The following ACOXL variants were observed in gnomAD, a reference collection of about 807,000 sequenced individuals.
The protein encoded by ACOXL is acyl-CoA oxidase like.
ACOXL carries 70 observed loss-of-function variants against 71.9 expected under a neutral mutation model. The ratio of observed to expected loss-of-function variants is 0.97; its 90% CI spans 0.80 to 1.19. The LOEUF (loss-of-function observed/expected upper bound fraction) is 1.19. Among genes scored for constraint, ACOXL ranks in the 50% most tolerant of loss-of-function variants. The probability of loss-of-function intolerance (pLI) is 0.00; values close to 1 mark genes in which losing one functional copy is unlikely to be tolerated. For synonymous variants in ACOXL, 253 were observed against 281.6 expected, an observed-to-expected ratio of 0.90 and a Z score of 1.02; for missense variants, 703 against 736.3, an observed-to-expected ratio of 0.95 and a Z score of 0.52.
At chr2:110,946,035 T>G (rs775979526) in intron 12 of ACOXL, among the ~76,000 whole-genome samples, 3 of 152,236 alleles carry the variant, frequency 2.0e-5, no homozygotes, top group Admixed American at 6.5e-5. Context: ...AGCAGCGTTT[T>G]GTAATTCTTA....
At chr2:110,927,859 C>T (rs982984667) in intron 11 of ACOXL, among the ~76,000 whole-genome samples, 5 of 152,106 alleles carry the variant, frequency 3.3e-5, no homozygotes, top group Non-Finnish European at 5.9e-5. Flanking sequence ...ATCTTTGAAA[C>T]GTACATTTCT....
intron 17 of ACOXL, among the ~76,000 whole-genome samples, chr2:111,112,466 T>G (rs2070051783): frequency 6.6e-6 from 1 of 152,212 alleles, no homozygotes; most frequent in Non-Finnish European, 1.5e-5. Flanking sequence ...ATTGACTGCT[T>G]AGTCAGGCAT....
intron 13 of ACOXL, among the ~76,000 whole-genome samples, chr2:110,988,370 G>A (rs2063024968): frequency 6.6e-6 from 1 of 152,134 alleles, no homozygotes; most frequent in African/African-American, 2.4e-5. Context: ...GAGCTGGGAG[G>A]CAGAGGTTGC....
chr2:110,741,929 G>A (rs1677597005), intron 1 of ACOXL, among the ~76,000 whole-genome samples: 3 of 152,182 alleles, frequency 2.0e-5, no homozygotes, highest in East Asian at 1.9e-4. Flanking sequence ...GGAGAGAGGC[G>A]GAGAGGTGAT....
intron 12 of ACOXL, among the ~76,000 whole-genome samples, chr2:110,986,679 G>A (rs562966295): frequency 6.6e-6 from 1 of 152,302 alleles, no homozygotes; most frequent in Non-Finnish European, 1.5e-5. Context: ...AGAGATTGAA[G>A]TAGAGGATAG....
intron 14 of ACOXL, among the ~76,000 whole-genome samples, chr2:111,024,365 TAAG>T (rs2064918043): frequency 6.6e-6 from 1 of 152,152 alleles, no homozygotes; most frequent in South Asian, 2.1e-4. Context: ...GCTGTCTTTA[TAAG>T]AAGAGCAGAG....
At chr2:110,800,130 C>T (rs571663891) in intron 7 of ACOXL, among the ~76,000 whole-genome samples, 2 of 152,212 alleles carry the variant, frequency 1.3e-5, no homozygotes, top group Non-Finnish European at 2.9e-5. Context: ...TTCTTTCACT[C>T]TTCACAATAA....
At chr2:111,017,127 T>A (rs2064484657) in intron 14 of ACOXL, among the ~76,000 whole-genome samples, 3 of 152,206 alleles carry the variant, frequency 2.0e-5, no homozygotes, top group South Asian at 4.1e-4. Context: ...CACTACAGTT[T>A]CTTGAAGTTC....
chr2:110,977,140 A>G (rs1041483984), intron 12 of ACOXL, among the ~76,000 whole-genome samples: 4 of 152,188 alleles, frequency 2.6e-5, no homozygotes, highest in Non-Finnish European at 5.9e-5. Context: ...TAATCCCAGC[A>G]CTTTGGGAGG....
At chr2:111,004,405 C>T (rs1057306808) in intron 14 of ACOXL, among the ~76,000 whole-genome samples, 3 of 152,118 alleles carry the variant, frequency 2.0e-5, no homozygotes, top group East Asian at 1.9e-4. Flanking sequence ...GTTGGAGAGT[C>T]GAGAAGACCA....
intron 14 of ACOXL, among the ~76,000 whole-genome samples, chr2:111,003,040 C>T (rs1227365848): frequency 6.6e-6 from 1 of 152,122 alleles, no homozygotes. Context: ...ATTTTATTTT[C>T]AGCATGAAAT....
At chr2:110,940,972 A>G (rs545608668) in intron 12 of ACOXL, among the ~76,000 whole-genome samples, 7 of 152,350 alleles carry the variant, frequency 4.6e-5, no homozygotes, top group African/African-American at 1.4e-4. Context: ...TTTTCAAACT[A>G]TCTTTACCTT....
chr2:111,003,579 A>AAAAAAAAT (rs1292631397), intron 14 of ACOXL, among the ~76,000 whole-genome samples: 6 of 146,772 alleles, frequency 4.1e-5, no homozygotes, highest in Non-Finnish European at 8.9e-5. Flanking sequence ...AAAAAAAAAA[A>AAAAAAAAT]GAATCACAGA....
intron 1 of ACOXL, among the ~76,000 whole-genome samples, chr2:110,762,423 T>C (rs1172527423): frequency 1.3e-5 from 2 of 152,228 alleles, no homozygotes; most frequent in African/African-American, 4.8e-5. Context: ...TTTTTTGTTT[T>C]CTTACCTTCC....
chr2:110,817,955 T>A, intron 9 of ACOXL, among the ~76,000 whole-genome samples: 1 of 150,598 alleles, frequency 6.6e-6, no homozygotes. Flanking sequence ...CTCCTGACTT[T>A]TTTTTTTTTT....
chr2:110,801,841 C>T (rs1686042343), intron 8 of ACOXL, 117 bp downstream of exon 8: 2 of 802,916 alleles, frequency 2.5e-6, no homozygotes, highest in Admixed American at 2.1e-5. Context: ...CCCTAACCAC[C>T]CGTACAGGTT....
chr2:110,958,882 G>GGCAC (rs1284774832), intron 12 of ACOXL, among the ~76,000 whole-genome samples: 2 of 152,216 alleles, frequency 1.3e-5, no homozygotes, highest in Non-Finnish European at 2.9e-5. Context: ...GAGAACATTT[G>GGCAC]GCACCTGGTA....
intron 10 of ACOXL, among the ~76,000 whole-genome samples, chr2:110,884,159 A>C (rs901163776): frequency 8.5e-5 from 13 of 152,252 alleles, no homozygotes; most frequent in Non-Finnish European, 1.5e-4. Context: ...AAGGAGAAGA[A>C]GACCCAAAAA....
At chr2:111,041,313 C>A (rs1378515672) in intron 15 of ACOXL, among the ~76,000 whole-genome samples, 1 of 152,128 alleles carries the variant, frequency 6.6e-6, no homozygotes, top group African/African-American at 2.4e-5. Context: ...GGATCAATGC[C>A]ACGCATGAGG....
Sources: gnomAD v4.1 joint callset for allele counts (sites outside exome capture counted in the v4.1 genomes callset) on GRCh38, gnomAD v4.1.1 for gene constraint, MANE v1.5 for transcripts, NCBI Gene and HGNC (gene_info 2026-07-23, HGNC 2026-07-21) for gene names.